RMDN2: variants seen among roughly 807,000 people sequenced by gnomAD.
The protein encoded by RMDN2 is regulator of microtubule dynamics 2, also known as regulator of microtubule dynamics protein 2.
In RMDN2, 61 loss-of-function variants were observed where a neutral mutation model predicts 52.8. The observed-to-expected ratio is 1.16, with a 90% confidence interval of 0.94 to 1.43. The LOEUF (loss-of-function observed/expected upper bound fraction) is 1.43, where lower values mean the gene tolerates loss of function less well. RMDN2 is among the 40% of genes most tolerant of loss of function. The probability of loss-of-function intolerance (pLI) is 0.00; values close to 1 mark genes in which losing one functional copy is unlikely to be tolerated. For synonymous variants in RMDN2, 180 were observed against 153.1 expected (o/e 1.18, Z -1.30); for missense variants, 592 against 475.3 (o/e 1.25, Z -2.28).
chr2:38,006,583 A>G (rs1371773801), intron 10 of RMDN2, among the ~76,000 whole-genome samples: 1 of 152,212 alleles, frequency 6.6e-6, no homozygotes, highest in African/African-American at 2.4e-5. Flanking sequence ...GAAGTTGCCT[A>G]TCAGCTTAAG....
chr2:38,034,292 A>T (rs984094494), intron 10 of RMDN2, among the ~76,000 whole-genome samples: 1 of 152,230 alleles, frequency 6.6e-6, no homozygotes, highest in African/African-American at 2.4e-5. Context: ...CACAGGCCAC[A>T]TAGGCTCACC....
At chr2:37,996,597 AAAAG>A (rs1254503207) in intron 7 of RMDN2, among the ~76,000 whole-genome samples, 653 of 54,212 alleles carry the variant, frequency 0.012, 4 homozygotes, top group African/African-American at 0.075. Flanking sequence ...CCAAAAAAAA[AAAAG>A]AAAAAAAAAA....
At chr2:37,990,518 CAAAAAAAAAA>C (rs397812186) in intron 6 of RMDN2, among the ~76,000 whole-genome samples, 10 of 37,588 alleles carry the variant, frequency 2.7e-4, no homozygotes, top group South Asian at 2.1e-3. Flanking sequence ...GACTCCATCT[CAAAAAAAAAA>C]AAAAAAAAAA....
At chr2:38,060,813 A>C (rs1311055862) in intron 10 of RMDN2, among the ~76,000 whole-genome samples, 1 of 106,258 alleles carries the variant, frequency 9.4e-6, no homozygotes, top group Non-Finnish European at 2.1e-5. Context: ...CCAGGAAAGC[A>C]TGCTGGGTAC....
At chr2:37,971,867 T>C (rs535314592) in intron 2 of RMDN2, among the ~76,000 whole-genome samples, 2 of 152,304 alleles carry the variant, frequency 1.3e-5, no homozygotes, top group African/African-American at 4.8e-5. Context: ...AATCATCTTA[T>C]TTAATTCTAC....
intron 4 of RMDN2, among the ~76,000 whole-genome samples, chr2:37,978,051 GACTC>G (rs1177870936): frequency 6.6e-6 from 1 of 152,178 alleles, no homozygotes; most frequent in East Asian, 1.9e-4. Context: ...GAGTGAGTGA[GACTC>G]TGTCTGCAAT....
At chr2:37,950,126 A>G (rs945917359) in intron 2 of RMDN2, 3 of 185,146 alleles carry the variant, frequency 1.6e-5, no homozygotes, top group Non-Finnish European at 3.4e-5. Context: ...AAGGATGCAA[A>G]AATCTGGGGT....
At chr2:38,047,629 A>G (rs1472729358) in intron 10 of RMDN2, among the ~76,000 whole-genome samples, 1 of 152,246 alleles carries the variant, frequency 6.6e-6, no homozygotes, top group Non-Finnish European at 1.5e-5. Context: ...TGTGGTTTCC[A>G]GAGTATAAGT....
intron 1 of RMDN2, among the ~76,000 whole-genome samples, chr2:37,926,571 A>C (rs1217500819): frequency 6.7e-6 from 1 of 149,408 alleles, no homozygotes; most frequent in Admixed American, 6.6e-5. Context: ...GAGTTTTAAA[A>C]TCTGTTTGGT....
At chr2:38,014,305 C>T (rs1205199228) in intron 10 of RMDN2, among the ~76,000 whole-genome samples, 3 of 152,146 alleles carry the variant, frequency 2.0e-5, no homozygotes, top group Admixed American at 6.5e-5. Flanking sequence ...TGTAGAAAGT[C>T]TGTTTACAAC....
chr2:37,997,813 T>G (rs1161357731), intron 8 of RMDN2: 2 of 302,742 alleles, frequency 6.6e-6, no homozygotes, highest in Non-Finnish European at 1.2e-5. Flanking sequence ...CAAGAACAGC[T>G]CTCTGAGTCA....
At chr2:38,034,794 T>C (rs1413495354) in intron 10 of RMDN2, among the ~76,000 whole-genome samples, 2 of 145,184 alleles carry the variant, frequency 1.4e-5, no homozygotes, top group African/African-American at 5.3e-5. Flanking sequence ...TAAAATATTT[T>C]AAAGGGCAAG....
At chr2:38,029,193 GCA>G (rs1243766028) in intron 10 of RMDN2, among the ~76,000 whole-genome samples, 4 of 151,868 alleles carry the variant, frequency 2.6e-5, no homozygotes, top group Non-Finnish European at 5.9e-5. Context: ...ATCCCCAACT[GCA>G]CACACACACT....
intron 10 of RMDN2, among the ~76,000 whole-genome samples, chr2:38,005,161 G>C (rs879642935): frequency 7.9e-5 from 12 of 152,156 alleles, no homozygotes; most frequent in Non-Finnish European, 1.8e-4. Context: ...ATAAACATAC[G>C]TGTGCATGTG....
At chr2:37,996,332 C>A (rs1675530522) in intron 7 of RMDN2, among the ~76,000 whole-genome samples, 1 of 152,014 alleles carries the variant, frequency 6.6e-6, no homozygotes, top group South Asian at 2.1e-4. Context: ...TGCCTGTAAT[C>A]CTAGCACTTT....
intron 5 of RMDN2, among the ~76,000 whole-genome samples, chr2:37,988,942 A>G (rs1293430124): frequency 6.6e-6 from 1 of 152,196 alleles, no homozygotes; most frequent in East Asian, 1.9e-4. Context: ...TATTCTAGCA[A>G]TGAAGTGTTT....
At chr2:38,052,260 TTC>T (rs1423140130) in intron 10 of RMDN2, among the ~76,000 whole-genome samples, 1 of 152,236 alleles carries the variant, frequency 6.6e-6, no homozygotes, top group Non-Finnish European at 1.5e-5. Context: ...TAATTTGCAT[TTC>T]TCTGATGATT....
At chr2:38,067,072 T>C in exon 11 of RMDN2, 1 of 1,361,128 alleles carries the variant, frequency 7.3e-7, no homozygotes, top group East Asian at 2.3e-5. Context: ...AGTCATGACC[T>C]AGGCCCTGTG....
intron 10 of RMDN2, among the ~76,000 whole-genome samples, chr2:38,063,592 A>G (rs942996772): frequency 6.6e-6 from 1 of 152,170 alleles, no homozygotes; most frequent in Non-Finnish European, 1.5e-5. Context: ...CAGCAAAAGA[A>G]ACTACCATCA....
Sources: gnomAD v4.1 joint callset for allele counts (sites outside exome capture counted in the v4.1 genomes callset) on GRCh38, gnomAD v4.1.1 for gene constraint, MANE v1.5 for transcripts, NCBI Gene and HGNC (gene_info 2026-07-23, HGNC 2026-07-21) for gene names.